FGF13: variants seen among roughly 807,000 people sequenced by gnomAD.
FGF13 encodes the protein fibroblast growth factor 13.
FGF13 carries 2 observed loss-of-function variants against 19.5 expected under a neutral mutation model. The observed-to-expected ratio is 0.10, with a 90% confidence interval of 0.04 to 0.32. The LOEUF (loss-of-function observed/expected upper bound fraction) is 0.32. FGF13 is among the 10% of genes least tolerant of loss of function. FGF13 has a pLI of 1.00. For synonymous variants in FGF13, 72 were observed against 76.9 expected (o/e 0.94, Z 0.33); for missense variants, 113 against 192.7 (o/e 0.59, Z 2.45).
At chrX:138,842,855 C>T (rs1306475864) in intron 3 of FGF13, among the ~76,000 whole-genome samples, 2 of 111,092 alleles carry the variant, frequency 1.8e-5, no homozygotes, top group East Asian at 5.7e-4. Context: ...TAGCTCAACA[C>T]AGAGCCTGGC....
rs141049238 is a variant in FGF13 at position 139,055,648 on chromosome X, G to A, written c.-113+147768C>T. ...TTTTCCTCACAAATTGATATGGATG[G>A]TCTGCCGCTTCAGGCTTCATCTTCA... is the stretch of plus-strand genomic sequence containing the variant. On this transcript the variant is annotated intron_variant, in intron 1 of 2. Coordinates refer to the FGF13 transcript ENST00000421460. Among the ~76,000 whole-genome samples the A allele has an allele frequency of 4.2e-3, 474 of 112,564 alleles. 3 individuals are homozygous for A. The highest frequency in any genetic ancestry group is 0.015 in the African/African-American group (452 of 31,004).
At chrX:139,199,312 T>G (rs7887392) in intron 1 of FGF13, among the ~76,000 whole-genome samples, 1 of 108,209 alleles carries the variant, frequency 9.2e-6, no homozygotes, top group African/African-American at 3.7e-5. Flanking sequence ...TTTTCCCCCC[T>G]CCTTCAATTG....
At chrX:139,051,346 T>G (rs1236368370) in intron 1 of FGF13, among the ~76,000 whole-genome samples, 1 of 111,829 alleles carries the variant, frequency 8.9e-6, no homozygotes, top group Non-Finnish European at 1.9e-5. Context: ...CTGAAGAACC[T>G]TGATCAGGTT....
At chrX:138,707,020 A>G (rs755603371) in intron 2 of FGF13, among the ~76,000 whole-genome samples, 13 of 112,389 alleles carry the variant, frequency 1.2e-4, no homozygotes, top group Non-Finnish European at 2.4e-4. Flanking sequence ...TTTCAATATC[A>G]TTAGTAGTAC....
chrX:138,720,826 A>C (rs1315105126), intron 1 of FGF13, among the ~76,000 whole-genome samples: 1 of 112,093 alleles, frequency 8.9e-6, no homozygotes, highest in East Asian at 2.8e-4. Flanking sequence ...TCTTCTTACT[A>C]GGCCATATTA....
chrX:139,164,093 CT>C (rs56733431), intron 1 of FGF13, among the ~76,000 whole-genome samples: 6,664 of 93,745 alleles, frequency 0.071, 195 homozygotes, highest in African/African-American at 0.081. Flanking sequence ...GCTGAGTTTT[CT>C]TTTTTTTTTT....
chrX:139,127,605 T>C (rs1419829641), intron 1 of FGF13, among the ~76,000 whole-genome samples: 1 of 111,664 alleles, frequency 9.0e-6, no homozygotes, highest in Non-Finnish European at 1.9e-5. Flanking sequence ...CAATCGTACA[T>C]GGCATGCTGG....
At chrX:138,639,834 CA>C (rs372250488) in intron 3 of FGF13, among the ~76,000 whole-genome samples, 55 of 107,694 alleles carry the variant, frequency 5.1e-4, no homozygotes, top group African/African-American at 1.8e-3. Context: ...ACCAAAAATA[CA>C]AAAAAAAATT....
At chrX:138,972,743 A>G (rs2091923910) in intron 1 of FGF13, among the ~76,000 whole-genome samples, 1 of 110,882 alleles carries the variant, frequency 9.0e-6, no homozygotes, top group African/African-American at 3.3e-5. Context: ...TTTGATTTGC[A>G]TTTACGTGAT....
intron 1 of FGF13, among the ~76,000 whole-genome samples, chrX:138,892,974 A>T (rs956024677): frequency 7.1e-5 from 6 of 84,876 alleles, no homozygotes; most frequent in African/African-American, 2.6e-4. Flanking sequence ...GTGGGCAGAA[A>T]GGGAGGGAGG....
At chrX:138,794,200 G>T (rs577841179) in intron 3 of FGF13, among the ~76,000 whole-genome samples, 9 of 111,929 alleles carry the variant, frequency 8.0e-5, no homozygotes, top group African/African-American at 2.9e-4. Context: ...CAGATCTTAC[G>T]ATAAAATTGT....
chrX:139,071,128 T>C (rs1456688136), intron 1 of FGF13, among the ~76,000 whole-genome samples: 1 of 111,498 alleles, frequency 9.0e-6, no homozygotes, highest in Non-Finnish European at 1.9e-5. Context: ...TAAAGTATAA[T>C]AATAATAAAA....
intron 3 of FGF13, among the ~76,000 whole-genome samples, chrX:138,782,346 T>C (rs1251579169): frequency 9.0e-6 from 1 of 111,334 alleles, no homozygotes; most frequent in Non-Finnish European, 1.9e-5. Flanking sequence ...GGGTATTCAA[T>C]TAGGAAAAGA....
intron 1 of FGF13, among the ~76,000 whole-genome samples, chrX:138,880,363 T>A (rs1401164392): frequency 2.7e-5 from 3 of 112,093 alleles, no homozygotes. Context: ...ATCATGCTGC[T>A]ATAAGGACAC....
chrX:138,736,715 T>G (rs1339408866), intron 1 of FGF13, among the ~76,000 whole-genome samples: 3 of 110,717 alleles, frequency 2.7e-5, no homozygotes, highest in Non-Finnish European at 5.7e-5. Context: ...GTTTTATATA[T>G]ATACACAAAT....
At chrX:139,142,659 C>G (rs2083854196) in intron 1 of FGF13, among the ~76,000 whole-genome samples, 1 of 111,722 alleles carries the variant, frequency 9.0e-6, no homozygotes, top group Non-Finnish European at 1.9e-5. Context: ...TTTCTTGGAG[C>G]CTTGGTTTCC....
At chrX:139,155,067 T>G (rs1252074697) in intron 1 of FGF13, among the ~76,000 whole-genome samples, 1 of 111,551 alleles carries the variant, frequency 9.0e-6, no homozygotes, top group Non-Finnish European at 1.9e-5. Context: ...TCTCAAACCA[T>G]GCAGTCTGGT....
At chrX:138,991,987 A>G (rs1653860982) in intron 1 of FGF13, among the ~76,000 whole-genome samples, 1 of 111,881 alleles carries the variant, frequency 8.9e-6, no homozygotes, top group Admixed American at 9.5e-5. Context: ...AATTTTCACC[A>G]GTTTCATAGG....
chrX:139,142,114 G>T (rs1265250690), intron 1 of FGF13, among the ~76,000 whole-genome samples: 1 of 111,880 alleles, frequency 8.9e-6, no homozygotes, highest in Non-Finnish European at 1.9e-5. Context: ...GATCTAAGTT[G>T]GTGCTGTAAA....
Sources: gnomAD v4.1 joint callset for allele counts (sites outside exome capture counted in the v4.1 genomes callset) on GRCh38, gnomAD v4.1.1 for gene constraint, MANE v1.5 for transcripts, NCBI Gene and HGNC (gene_info 2026-07-23, HGNC 2026-07-21) for gene names.